The following CYFIP2 variants were observed in gnomAD, a reference collection of about 807,000 sequenced individuals.
CYFIP2 encodes the protein cytoplasmic FMR1 interacting protein 2.
Under a neutral mutation model 158.7 loss-of-function variants are expected in CYFIP2, and 29 were observed. The observed-to-expected ratio is 0.18, with a 90% CI of 0.14 to 0.25. The LOEUF (loss-of-function observed/expected upper bound fraction) is 0.25, where lower values mean the gene tolerates loss of function less well. Ranked by LOEUF, CYFIP2 falls within the 10% of genes least tolerant of loss-of-function variation. The pLI, the probability that CYFIP2 is intolerant of heterozygous loss-of-function variation, is 1.00. For synonymous variants in CYFIP2, 585 were observed against 617.6 expected (o/e 0.95, Z 0.78); for missense variants, 852 against 1,639.5 (o/e 0.52, Z 8.29).
chr5:157,353,660 T>C (rs925959577), intron 23 of CYFIP2, among the ~76,000 whole-genome samples: 3 of 152,238 alleles, frequency 2.0e-5, no homozygotes, highest in Non-Finnish European at 2.9e-5. Flanking sequence ...TGCTGTTTTA[T>C]TTTTGCCGTC....
chr5:157,384,604 C>T (rs10078836), intron 28 of CYFIP2: 26,090 of 426,170 alleles, frequency 0.061, 990 homozygotes, highest in Middle Eastern at 0.082. Flanking sequence ...CCCAGCCCGG[C>T]CCCCGCATGC....
intron 5 of CYFIP2, among the ~76,000 whole-genome samples, chr5:157,298,688 C>T (rs114760045): frequency 4.5e-4 from 69 of 152,158 alleles, no homozygotes; most frequent in African/African-American, 1.5e-3. Flanking sequence ...AAAAAGAAAC[C>T]CCACGCCCTT....
At chr5:157,289,981 A>G (rs1042313431) in intron 3 of CYFIP2, among the ~76,000 whole-genome samples, 2 of 152,188 alleles carry the variant, frequency 1.3e-5, no homozygotes, top group African/African-American at 4.8e-5. Context: ...GCAGGCATTC[A>G]AGGCTGAATG....
chr5:157,277,904 A>G (rs1252506634), intron 1 of CYFIP2, among the ~76,000 whole-genome samples: 2 of 152,164 alleles, frequency 1.3e-5, no homozygotes, highest in African/African-American at 2.4e-5. Flanking sequence ...TATATAGCCT[A>G]TTGCTCCTGG....
At chr5:157,349,388 G>A (rs1296935803) in intron 23 of CYFIP2, among the ~76,000 whole-genome samples, 2 of 152,056 alleles carry the variant, frequency 1.3e-5, no homozygotes, top group African/African-American at 2.4e-5. Flanking sequence ...TTCCATTCCC[G>A]AGTTACTTGA....
At chr5:157,391,372 C>T (rs1473778660) in intron 30 of CYFIP2, among the ~76,000 whole-genome samples, 3 of 152,182 alleles carry the variant, frequency 2.0e-5, no homozygotes, top group Non-Finnish European at 4.4e-5. Flanking sequence ...AAGTATTGTA[C>T]AATCATTCCC....
chr5:157,296,990 G>A (rs190042787), intron 5 of CYFIP2, among the ~76,000 whole-genome samples: 79 of 152,342 alleles, frequency 5.2e-4, no homozygotes, highest in Admixed American at 9.1e-4. Context: ...TGTGTAGGAG[G>A]AGAGAAAGAC....
intron 20 of CYFIP2, among the ~76,000 whole-genome samples, chr5:157,331,197 G>A (rs964075802): frequency 2.0e-5 from 3 of 151,892 alleles, no homozygotes; most frequent in East Asian, 1.9e-4. Context: ...CCCAAGTGCC[G>A]GTCTAAGTGA....
chr5:157,362,684 CTCCTG>C (rs1763944835), intron 26 of CYFIP2: 2 of 152,282 alleles, frequency 1.3e-5, no homozygotes, highest in African/African-American at 2.4e-5. Context: ...CCAGCCCTGC[CTCCTG>C]TCCTGTCCAT....
At chr5:157,286,633 C>CTGTTT (rs1554106983) in intron 2 of CYFIP2, among the ~76,000 whole-genome samples, 46 of 151,320 alleles carry the variant, frequency 3.0e-4, no homozygotes, top group Non-Finnish European at 6.2e-4. Context: ...GTTTTAATCA[C>CTGTTT]AAAAAACAGC....
At chr5:157,304,190 G>A (rs1342222282) in intron 7 of CYFIP2, 48 bp from the exon 8 acceptor site, 1 of 1,580,746 alleles carries the variant, frequency 6.3e-7, no homozygotes, top group Non-Finnish European at 8.6e-7. Flanking sequence ...GCAGGTGAGG[G>A]CACAGGATAC....
At chr5:157,342,895 G>A (rs746587472) in intron 23 of CYFIP2, 2 of 1,613,734 alleles carry the variant, frequency 1.2e-6, no homozygotes, top group African/African-American at 2.7e-5. Flanking sequence ...TAGCGGGTGG[G>A]TCACCACCCC....
In CYFIP2 at chr5:157,306,893, TA is replaced by T. The variant is rs759718809; in HGVS notation, c.796-852del. Among the ~76,000 whole-genome samples the T allele has an allele frequency of 3.9e-3, 496 of 127,792 alleles. 1 individual carries two copies. Among genetic ancestry groups the T allele is most frequent in the Non-Finnish European group, 4.5e-3 (266 of 59,576 alleles). The allele number at this position is 127,792 out of a possible 152,430, so 83.8% of individuals were successfully genotyped here. A position where few individuals can be genotyped will look rare whatever the true frequency, so the allele number is the denominator to read the frequency against. ...GGTAGGGAACAGAGTGAGGCCATCT[TA>T]AAAAAAAAAAAAAAACCGGAAATGC... On this transcript the variant is annotated intron_variant, in intron 8 of 30. Coordinates refer to ENST00000620254, the MANE Select transcript of CYFIP2 (RefSeq NM_001037333.3).
At chr5:157,273,944 G>A (rs1012959165) in intron 1 of CYFIP2, among the ~76,000 whole-genome samples, 1 of 151,958 alleles carries the variant, frequency 6.6e-6, no homozygotes, top group Non-Finnish European at 1.5e-5. Context: ...AGACCAGCCT[G>A]GCCAACATGG....
At position 157,390,540 on chromosome 5, in the gene CYFIP2, T is replaced by C. The variant is rs765458257; in HGVS notation, c.3466T>C (p.Leu1156=). The change falls in exon 30 of 31, where the codon TTG becomes CTG. Residue 1156 remains leucine (L), a synonymous_variant. Coordinates refer to ENST00000620254, the MANE Select transcript of CYFIP2 (RefSeq NM_001037333.3). ...FTAEQCFGDG[L]NWAGCSIIVL... Reference sequence around the variant, plus strand: ...TCCCAGGCAGTGTTTCGGCGATGGCTTGAACTGGGCTGGTTGCTCCATCAT... The same window carrying C: ...TCCCAGGCAGTGTTTCGGCGATGGCCTGAACTGGGCTGGTTGCTCCATCAT... 9.7e-6 allele frequency: 15 copies of C among 1,544,764 alleles called. No homozygotes were observed. Among genetic ancestry groups the C allele is most frequent in the Non-Finnish European group, 1.2e-5 (14 of 1,143,592 alleles).
At chr5:157,283,847 GT>G (rs1757172817) in intron 1 of CYFIP2, among the ~76,000 whole-genome samples, 1 of 152,268 alleles carries the variant, frequency 6.6e-6, no homozygotes, top group East Asian at 1.9e-4. Flanking sequence ...AAATTCTTGT[GT>G]TGATGGTCCT....
chr5:157,369,895 T>C (rs1369225330), intron 26 of CYFIP2, among the ~76,000 whole-genome samples: 3 of 150,236 alleles, frequency 2.0e-5, no homozygotes, highest in East Asian at 3.9e-4. Context: ...TTTTTTTTTT[T>C]TTTAAAGACA....
intron 5 of CYFIP2, among the ~76,000 whole-genome samples, chr5:157,297,842 C>G (rs897381768): frequency 6.6e-6 from 1 of 152,060 alleles, no homozygotes; most frequent in Admixed American, 6.6e-5. Flanking sequence ...AAAAATAAAA[C>G]GAGACAACAT....
intron 1 of CYFIP2, among the ~76,000 whole-genome samples, chr5:157,284,554 A>G (rs147916166): frequency 1.4e-4 from 22 of 152,340 alleles, no homozygotes; most frequent in Middle Eastern, 3.4e-3. Flanking sequence ...TTGGGGGGAA[A>G]AATGAGTATT....
Sources: allele counts gnomAD v4.1 joint callset (sites outside exome capture counted in the v4.1 genomes callset), GRCh38; gene constraint gnomAD v4.1.1; transcripts MANE v1.5; gene names NCBI Gene and HGNC (gene_info 2026-07-23, HGNC 2026-07-21).